The following MAML2 variants were observed in gnomAD, a reference collection of about 807,000 sequenced individuals.
The protein encoded by MAML2 is mastermind like transcriptional coactivator 2, also known as mastermind-like protein 2.
In MAML2, 22 loss-of-function variants were observed where a neutral mutation model predicts 96.1. The observed-to-expected ratio is 0.23, with a 90% CI of 0.16 to 0.33. The LOEUF (loss-of-function observed/expected upper bound fraction) is 0.33, where lower values mean the gene tolerates loss of function less well. MAML2 is among the 10% of genes least tolerant of loss of function. The pLI is 1.00. For missense variants in MAML2, 1,367 were observed against 1,392.4 expected (o/e 0.98, Z 0.29); for synonymous variants, 561 against 521.3 (o/e 1.08, Z -1.04).
At chr11:96,268,625 T>C (rs1862864531) in intron 1 of MAML2, among the ~76,000 whole-genome samples, 1 of 152,224 alleles carries the variant, frequency 6.6e-6, no homozygotes, top group Non-Finnish European at 1.5e-5. Context: ...TCTTGAATTG[T>C]AGTTCCCCTA....
At chr11:95,994,912 T>A (rs1013965595) in intron 2 of MAML2, among the ~76,000 whole-genome samples, 8 of 152,208 alleles carry the variant, frequency 5.3e-5, no homozygotes, top group African/African-American at 1.2e-4. Context: ...ATACCCCAGT[T>A]CTGACACTTA....
At chr11:96,260,785 T>C (rs1324960022) in intron 1 of MAML2, among the ~76,000 whole-genome samples, 1 of 141,808 alleles carries the variant, frequency 7.1e-6, no homozygotes, top group Non-Finnish European at 1.6e-5. Context: ...AGTTTTCTGT[T>C]ATTTGCAGGC....
At chr11:96,135,782 G>C (rs936924255) in intron 1 of MAML2, among the ~76,000 whole-genome samples, 1 of 150,544 alleles carries the variant, frequency 6.6e-6, no homozygotes, top group Non-Finnish European at 1.5e-5. Flanking sequence ...ATACATCTCT[G>C]AACCTGGGAG....
At chr11:96,102,976 A>G (rs1319800112) in intron 1 of MAML2, among the ~76,000 whole-genome samples, 1 of 152,222 alleles carries the variant, frequency 6.6e-6, no homozygotes, top group Non-Finnish European at 1.5e-5. Flanking sequence ...CCTCCTCAGC[A>G]GAATTTACGA....
At chr11:96,097,404 G>A (rs546826194) in intron 1 of MAML2, among the ~76,000 whole-genome samples, 13 of 152,210 alleles carry the variant, frequency 8.5e-5, no homozygotes, top group African/African-American at 2.2e-4. Context: ...TGGACCTTTT[G>A]GGTGGCTGGA....
intron 2 of MAML2, among the ~76,000 whole-genome samples, chr11:96,069,334 T>C (rs1325743018): frequency 6.6e-6 from 1 of 152,208 alleles, no homozygotes; most frequent in Non-Finnish European, 1.5e-5. Context: ...CTTCCTTTGT[T>C]TTCACCTATA....
chr11:96,079,746 A>G (rs1338646537), intron 2 of MAML2, among the ~76,000 whole-genome samples: 2 of 152,220 alleles, frequency 1.3e-5, no homozygotes, highest in African/African-American at 2.4e-5. Context: ...GAAATGCAAC[A>G]AAATGAGAGA....
chr11:96,254,023 CACTT>C (rs976229080), intron 1 of MAML2, among the ~76,000 whole-genome samples: 1 of 152,184 alleles, frequency 6.6e-6, no homozygotes, highest in African/African-American at 2.4e-5. Flanking sequence ...CTGAAGGTAT[CACTT>C]ACACTTTCTT....
intron 1 of MAML2, among the ~76,000 whole-genome samples, chr11:96,223,350 C>T (rs1862167430): frequency 6.6e-6 from 1 of 152,124 alleles, no homozygotes; most frequent in South Asian, 2.1e-4. Context: ...TCAAGAATGA[C>T]AGCTTTCCAT....
intron 2 of MAML2, among the ~76,000 whole-genome samples, chr11:96,053,311 T>G (rs1015418078): frequency 6.6e-6 from 1 of 152,162 alleles, no homozygotes; most frequent in Non-Finnish European, 1.5e-5. Context: ...AAATGAAAAC[T>G]CTGTAGCAGA....
chr11:96,258,989 C>A (rs1320428252), intron 1 of MAML2, among the ~76,000 whole-genome samples: 1 of 152,036 alleles, frequency 6.6e-6, no homozygotes, highest in Non-Finnish European at 1.5e-5. Context: ...TTTGTAGGCC[C>A]TGAGATTTTT....
chr11:96,012,327 A>C (rs961357667), intron 2 of MAML2, among the ~76,000 whole-genome samples: 4 of 152,228 alleles, frequency 2.6e-5, no homozygotes, highest in Admixed American at 1.3e-4. Flanking sequence ...CTTGTCCAAC[A>C]ATCAAGTCTT....
chr11:96,278,380 T>G (rs1863018943), intron 1 of MAML2, among the ~76,000 whole-genome samples: 1 of 152,180 alleles, frequency 6.6e-6, no homozygotes, highest in Non-Finnish European at 1.5e-5. Context: ...CCAAGTACTT[T>G]TTCTGTTGGT....
At chr11:96,071,627 G>GT (rs1395281040) in intron 2 of MAML2, among the ~76,000 whole-genome samples, 1 of 152,222 alleles carries the variant, frequency 6.6e-6, no homozygotes, top group Non-Finnish European at 1.5e-5. Context: ...CAGTAGAAAG[G>GT]TTGTAACCTG....
intron 2 of MAML2, among the ~76,000 whole-genome samples, chr11:95,994,586 A>G (rs1473000218): frequency 6.6e-6 from 1 of 152,056 alleles, no homozygotes; most frequent in Admixed American, 6.6e-5. Context: ...GGAAAGAGGC[A>G]GGATCAGGGA....
intron 2 of MAML2, among the ~76,000 whole-genome samples, chr11:95,997,622 A>G (rs1858012552): frequency 6.6e-6 from 1 of 152,204 alleles, no homozygotes; most frequent in Non-Finnish European, 1.5e-5. Flanking sequence ...TAAAACAAAC[A>G]ACATTTTTAT....
chr11:96,183,417 A>G (rs1591060440), intron 1 of MAML2, among the ~76,000 whole-genome samples: 1 of 1,202 alleles, frequency 8.3e-4, no homozygotes, highest in African/African-American at 2.7e-3. Context: ...TTCTTTTGAG[A>G]CAAGGGTTCT....
chr11:95,979,025 A>C lies in MAML2; in HGVS notation c.3394T>G (p.Leu1132Val). The C allele has an allele frequency of 6.2e-7, 1 of 1,613,990 alleles. No individual in the cohort carries two copies. Among genetic ancestry groups the C allele is most frequent in the Non-Finnish European group, 8.5e-7 (1 of 1,179,882 alleles). ...TCATTACCAGGCTCTGTCTTCAATA[A>C]AGAATCAATGAAATCAGCATCACTG... Reference protein sequence around the residue: ...LNSDADFIDSLLKTEPGNDDW... With the variant: ...LNSDADFIDSVLKTEPGNDDW... The change falls in exon 5 of 5, where the codon TTA becomes GTA. Residue 1132 changes from leucine to valine, a missense_variant. Coordinates refer to ENST00000524717, the MANE Select transcript of MAML2 (RefSeq NM_032427.4).
intron 1 of MAML2, among the ~76,000 whole-genome samples, chr11:96,322,464 G>C (rs1863718018): frequency 6.6e-6 from 1 of 152,124 alleles, no homozygotes; most frequent in South Asian, 2.1e-4. Flanking sequence ...TTTGGGAGGC[G>C]GGCGGATCAC....
Sources: gnomAD v4.1 joint callset for allele counts (sites outside exome capture counted in the v4.1 genomes callset) on GRCh38, gnomAD v4.1.1 for gene constraint, MANE v1.5 for transcripts, NCBI Gene and HGNC (gene_info 2026-07-23, HGNC 2026-07-21) for gene names.